The following N4BP1 variants were observed in gnomAD, a reference collection of about 807,000 sequenced individuals.
The protein encoded by N4BP1 is NEDD4 binding protein 1, also known as NEDD4-binding protein 1.
A neutral mutation model predicts 70.9 loss-of-function variants in N4BP1; 21 were observed. That is an observed-to-expected ratio of 0.30 (90% CI 0.21 to 0.43). The LOEUF is 0.43. N4BP1 is among the 20% of genes least tolerant of loss of function. N4BP1 has a pLI of 1.00. For synonymous variants in N4BP1, 387 were observed against 394.6 expected (o/e 0.98, Z 0.23); for missense variants, 936 against 1,069.4 (o/e 0.88, Z 1.74).
chr16:48,606,234 C>T (rs1476187183), intron 1 of N4BP1, among the ~76,000 whole-genome samples: 2 of 150,924 alleles, frequency 1.3e-5, no homozygotes, highest in East Asian at 3.9e-4. Flanking sequence ...TAAATCCCTA[C>T]ATCCACCACA....
chr16:48,592,529 G>C (rs896142714), intron 1 of N4BP1, among the ~76,000 whole-genome samples: 2 of 152,186 alleles, frequency 1.3e-5, no homozygotes, highest in Non-Finnish European at 2.9e-5. Context: ...TGGATATTCT[G>C]TCTGTGTATG....
rs750220660 is a variant in N4BP1, at chr16:48,561,401, A to G, written c.1242T>C (p.Val414=). 3.1e-6 allele frequency: 5 copies of G among 1,613,780 alleles called. No individual in the cohort carries two copies. The East Asian group carries it at 8.9e-5, about 29-fold the overall frequency. ...TTGTAAGCTCATTTGTGCTGCTATA[A>G]ACACCTTTATTTTTGGTTTTGTTGG... ...PETNKTKNKG[V]YSSTNELTTD... is the part of the protein sequence containing the mutation. Residue 414 remains valine, a synonymous_variant, in exon 2 of 7, where the codon GTT becomes GTC. Coordinates refer to ENST00000262384, the MANE Select transcript of N4BP1 (RefSeq NM_153029.4).
intron 1 of N4BP1, among the ~76,000 whole-genome samples, chr16:48,608,617 C>G (rs1964623124): frequency 6.6e-6 from 1 of 151,972 alleles, no homozygotes; most frequent in African/African-American, 2.4e-5. Context: ...ACTTGGTTAC[C>G]TAGGAGGAGC....
At chr16:48,565,068 T>G (rs930570568) in intron 1 of N4BP1, among the ~76,000 whole-genome samples, 2 of 152,244 alleles carry the variant, frequency 1.3e-5, no homozygotes, top group African/African-American at 4.8e-5. Context: ...AGGATCTGTG[T>G]GTATGTGTAG....
In N4BP1 at chr16:48,562,379, G is replaced by T; in HGVS notation, c.264C>A (p.His88Gln). 1 of 1,613,758 alleles carries T rather than the reference G, an allele frequency of 6.2e-7. No homozygotes were observed. ...EERECYPKDMHCIFVGAESLF... is the reference protein window; with the variant it reads ...EERECYPKDMQCIFVGAESLF... ...GGCTCTCTGCCCCAACAAAAATGCA[G>T]TGCATGTCCTTGGGGTAACATTCTC... The change falls in exon 2 of 7, where the codon CAC (histidine) becomes CAA (glutamine). Residue 88 changes from histidine to glutamine, a missense_variant. Physicochemically the swap from His to Gln is conservative, Grantham distance 24. Coordinates refer to ENST00000262384, the MANE Select transcript of N4BP1 (RefSeq NM_153029.4).
At chr16:48,585,631 T>A (rs939079916) in intron 1 of N4BP1, among the ~76,000 whole-genome samples, 94 of 149,910 alleles carry the variant, frequency 6.3e-4, no homozygotes, top group Middle Eastern at 3.2e-3. Flanking sequence ...CTCCACCTCC[T>A]GGGTTCAAGT....
chr16:48,599,700 A>C (rs1964468701), intron 1 of N4BP1, among the ~76,000 whole-genome samples: 2 of 152,218 alleles, frequency 1.3e-5, no homozygotes, highest in Non-Finnish European at 2.9e-5. Context: ...CGATGTGCCT[A>C]GGTAAAACTG....
chr16:48,589,854 G>T (rs1455616617), intron 1 of N4BP1, among the ~76,000 whole-genome samples: 1 of 152,172 alleles, frequency 6.6e-6, no homozygotes, highest in East Asian at 1.9e-4. Flanking sequence ...TAACCTTTGG[G>T]CTGTTCTTGT....
intron 4 of N4BP1, among the ~76,000 whole-genome samples, chr16:48,550,720 A>G (rs776345057): frequency 4.6e-5 from 7 of 152,050 alleles, no homozygotes; most frequent in Non-Finnish European, 1.0e-4. Flanking sequence ...CCTGGCCAAC[A>G]TGGAAAAACC....
intron 1 of N4BP1, among the ~76,000 whole-genome samples, chr16:48,596,458 C>T (rs928569958): frequency 1.1e-4 from 17 of 152,334 alleles, no homozygotes; most frequent in African/African-American, 2.4e-4. Flanking sequence ...TCCCCCACTA[C>T]GCCCAGTTAG....
At chr16:48,545,341 G>A (rs1358195803) in intron 6 of N4BP1, among the ~76,000 whole-genome samples, 5 of 151,370 alleles carry the variant, frequency 3.3e-5, no homozygotes, top group South Asian at 2.1e-4. Flanking sequence ...AGGCCGAAGC[G>A]GGTGGATCAC....
intron 1 of N4BP1, among the ~76,000 whole-genome samples, chr16:48,594,870 G>A (rs1018045538): frequency 3.3e-5 from 5 of 152,072 alleles, no homozygotes; most frequent in South Asian, 4.1e-4. Context: ...TGTCAATTGT[G>A]TCTTTGACTG....
chr16:48,604,573 A>G (rs1337780471), intron 1 of N4BP1, among the ~76,000 whole-genome samples: 2 of 138,096 alleles, frequency 1.4e-5, no homozygotes, highest in African/African-American at 6.6e-5. Flanking sequence ...AAAAAACAAA[A>G]CAAACAAACA....
At chr16:48,605,506 C>T (rs886707208) in intron 1 of N4BP1, among the ~76,000 whole-genome samples, 4 of 152,164 alleles carry the variant, frequency 2.6e-5, no homozygotes, top group Admixed American at 6.5e-5. Context: ...ATTCAATCCT[C>T]ACAATCCTTT....
intron 2 of N4BP1, among the ~76,000 whole-genome samples, chr16:48,558,191 GTCT>G (rs967465647): frequency 6.0e-5 from 9 of 150,258 alleles, no homozygotes; most frequent in East Asian, 2.0e-4. Context: ...GTACAAGTCT[GTCT>G]TCTTAAAGTA....
At chr16:48,589,321 C>A (rs1235706661) in intron 1 of N4BP1, among the ~76,000 whole-genome samples, 1 of 152,060 alleles carries the variant, frequency 6.6e-6, no homozygotes, top group East Asian at 1.9e-4. Flanking sequence ...GGGTCTCAAC[C>A]CTACTTCCAA....
rs571385877 is a variant in N4BP1, at chr16:48,554,587, T to C, written c.1890-918A>G. ...TATTAGAAAGAAAAAAAGACTAAAATCTCAAACTGTGATGCTGTAGTTTAT... is the reference window on the plus strand; with the variant it reads ...TATTAGAAAGAAAAAAAGACTAAAACCTCAAACTGTGATGCTGTAGTTTAT... On this transcript the variant is annotated intron_variant, in intron 2 of 6. Transcript: ENST00000262384. Among the ~76,000 whole-genome samples, 4 of 152,318 alleles carry C rather than the reference T, an allele frequency of 2.6e-5. No individual in the cohort carries two copies. In the South Asian group the frequency reaches 8.3e-4, roughly 32 times the overall value.
At chr16:48,554,062 T>C (rs1266740299) in intron 2 of N4BP1, among the ~76,000 whole-genome samples, 1 of 152,006 alleles carries the variant, frequency 6.6e-6, no homozygotes, top group Non-Finnish European at 1.5e-5. Flanking sequence ...GGAATGGCTA[T>C]ATTTACCCAG....
intron 1 of N4BP1, chr16:48,600,434 A>C: frequency 9.2e-6 from 6 of 649,244 alleles, no homozygotes; most frequent in South Asian, 8.6e-5. Flanking sequence ...AAACTACTGA[A>C]GCAATGAAGA....
Sources: gnomAD v4.1 joint callset for allele counts (sites outside exome capture counted in the v4.1 genomes callset) on GRCh38, gnomAD v4.1.1 for gene constraint, MANE v1.5 for transcripts, NCBI Gene and HGNC (gene_info 2026-07-23, HGNC 2026-07-21) for gene names.